Variants in VIT observed in about 807,000 individuals in gnomAD.
VIT encodes the protein vitrin.
VIT carries 99 observed loss-of-function variants against 78.0 expected under a neutral mutation model. The ratio of observed to expected loss-of-function variants is 1.27; its 90% CI spans 1.08 to 1.50. The LOEUF is 1.50. VIT is among the 40% of genes most tolerant of loss of function. The pLI, the probability that VIT is intolerant of heterozygous loss-of-function variation, is 0.00. For missense variants in VIT, 1,126 were observed against 875.3 expected (o/e 1.29, Z -3.61); for synonymous variants, 374 against 334.3 (o/e 1.12, Z -1.29).
chr2:36,808,957 G>A lies in VIT; in HGVS notation c.1875G>A (p.Arg625=). 6.3e-7 allele frequency: 1 copy of A among 1,598,998 alleles called. No homozygotes were observed. Among genetic ancestry groups the A allele is most frequent in the Non-Finnish European group, 8.5e-7 (1 of 1,170,204 alleles). ...ACGGGAGGTCCTACGACGACGTCCG[G>A]ATCCCAGCCATGGCTGCCCATCTGA... is the stretch of plus-strand genomic sequence containing the variant. ...ITDGRSYDDV[R]IPAMAAHLKG... Residue 625 remains arginine (R), a synonymous_variant, in exon 15 of 16, where the codon CGG becomes CGA. Coordinates refer to ENST00000379242, the MANE Select transcript of VIT (RefSeq NM_053276.4).
At chr2:36,720,713 A>G (rs890835378) in intron 2 of VIT, among the ~76,000 whole-genome samples, 2 of 152,222 alleles carry the variant, frequency 1.3e-5, no homozygotes, top group African/African-American at 4.8e-5. Context: ...CTGGTCAAAG[A>G]GTACAGACTT....
At chr2:36,699,393 C>T (rs1209397005) in intron 1 of VIT, among the ~76,000 whole-genome samples, 1 of 152,036 alleles carries the variant, frequency 6.6e-6, no homozygotes, top group East Asian at 1.9e-4. Context: ...GAAGAAGTAT[C>T]GAAATAGTGC....
intron 12 of VIT, among the ~76,000 whole-genome samples, chr2:36,800,757 A>G (rs577334978): frequency 3.3e-5 from 5 of 152,340 alleles, no homozygotes; most frequent in African/African-American, 1.2e-4. Context: ...AGTCTTCAGC[A>G]AAATAGATGT....
intron 11 of VIT, among the ~76,000 whole-genome samples, chr2:36,784,147 A>G (rs755974869): frequency 6.6e-6 from 1 of 152,244 alleles, no homozygotes; most frequent in Non-Finnish European, 1.5e-5. Flanking sequence ...TCAGAAAGGA[A>G]GAACCAGAGA....
At chr2:36,792,225 T>C (rs1463529065) in intron 12 of VIT, among the ~76,000 whole-genome samples, 1 of 152,150 alleles carries the variant, frequency 6.6e-6, no homozygotes, top group African/African-American at 2.4e-5. Context: ...GGCCTGATTT[T>C]CCAGGGCCTA....
chr2:36,725,610 GGGT>G (rs1256498203), intron 2 of VIT, among the ~76,000 whole-genome samples: 1 of 97,404 alleles, frequency 1.0e-5, no homozygotes, highest in African/African-American at 4.1e-5. Flanking sequence ...GGTGGGGGGG[GGGT>G]GGGTAAACAA....
intron 7 of VIT, among the ~76,000 whole-genome samples, chr2:36,771,253 GT>G (rs1190704451): frequency 6.6e-6 from 1 of 152,126 alleles, no homozygotes; most frequent in Non-Finnish European, 1.5e-5. Flanking sequence ...GGCTTTGCCG[GT>G]CCCGGTGGCT....
At chr2:36,810,250 C>G (rs1252647660) in intron 15 of VIT, among the ~76,000 whole-genome samples, 2 of 152,178 alleles carry the variant, frequency 1.3e-5, no homozygotes, top group Admixed American at 1.3e-4. Flanking sequence ...CGAGATCGTG[C>G]CATTGCACTC....
chr2:36,797,874 T>C (rs1666020997), intron 12 of VIT, among the ~76,000 whole-genome samples: 1 of 152,180 alleles, frequency 6.6e-6, no homozygotes, highest in African/African-American at 2.4e-5. Context: ...CCACATATTA[T>C]GCACGGTGTT....
At chr2:36,759,915 A>C (rs6544033) in intron 6 of VIT, among the ~76,000 whole-genome samples, 150,094 of 152,318 alleles carry the variant, frequency 0.99, 73,989 homozygotes, top group Middle Eastern at 1. Context: ...GAGGAAAATG[A>C]AGCACAGAGA....
intron 2 of VIT, among the ~76,000 whole-genome samples, chr2:36,724,446 G>C (rs140089743): frequency 6.6e-6 from 1 of 152,116 alleles, no homozygotes; most frequent in Non-Finnish European, 1.5e-5. Flanking sequence ...GCTCTGCTAG[G>C]CGTCCTAGGA....
chr2:36,781,854 G>C, intron 10 of VIT, 83 bp downstream of exon 10: 1 of 1,548,968 alleles, frequency 6.5e-7, no homozygotes, highest in East Asian at 2.3e-5. Context: ...AATCCAGCTG[G>C]CATAGCGGCC....
intron 1 of VIT, among the ~76,000 whole-genome samples, chr2:36,716,075 G>A (rs766162450): frequency 6.6e-6 from 1 of 152,158 alleles, no homozygotes; most frequent in Non-Finnish European, 1.5e-5. Context: ...TCTCAAAATT[G>A]TAGAGTTATT....
chr2:36,810,342 G>A (rs946050979), intron 15 of VIT, among the ~76,000 whole-genome samples: 2 of 152,118 alleles, frequency 1.3e-5, no homozygotes, highest in African/African-American at 2.4e-5. Flanking sequence ...ATTTCTAAGA[G>A]GGCAACAAAA....
At position 36,801,423 on chromosome 2, in the gene VIT, A is replaced by G. The variant is rs1018947780; in HGVS notation, c.1162+19A>G. On this transcript the variant is annotated intron_variant, in intron 13 of 15. Transcript: ENST00000379242. Reference sequence around the variant, plus strand: ...AATGTAGGTATGTGATCCGGATTCAAATTATACTATCTTGCTACCATCGTT... The same window carrying G: ...AATGTAGGTATGTGATCCGGATTCAGATTATACTATCTTGCTACCATCGTT... 6.4e-7 allele frequency: 1 copy of G among 1,568,200 alleles called. No individual in the cohort carries two copies. Among genetic ancestry groups the G allele is most frequent in the African/African-American group, 1.4e-5 (1 of 73,952 alleles).
At chr2:36,767,467 G>C (rs1669505223) in intron 7 of VIT, among the ~76,000 whole-genome samples, 182 bp downstream of exon 7, 1 of 152,214 alleles carries the variant, frequency 6.6e-6, no homozygotes, top group African/African-American at 2.4e-5. Flanking sequence ...TCAAAAATAA[G>C]ACTGCTGTCA....
chr2:36,754,823 C>G (rs1668665896), intron 4 of VIT, 98 bp from the exon 5 acceptor site: 5 of 1,385,022 alleles, frequency 3.6e-6, no homozygotes, highest in East Asian at 2.4e-5. Context: ...TGCTGCTTTC[C>G]TATGTGTAAA....
chr2:36,795,226 T>G (rs1204416798), intron 12 of VIT, among the ~76,000 whole-genome samples: 2 of 152,132 alleles, frequency 1.3e-5, no homozygotes, highest in East Asian at 3.8e-4. Flanking sequence ...AATCTCAAAC[T>G]TGTAATTCCA....
At chr2:36,714,542 A>T (rs937441076) in intron 1 of VIT, among the ~76,000 whole-genome samples, 8 of 152,016 alleles carry the variant, frequency 5.3e-5, no homozygotes, top group African/African-American at 1.9e-4. Flanking sequence ...CACTGGAGGG[A>T]GGGGGGATAT....
Sources: gnomAD v4.1 joint callset for allele counts (sites outside exome capture counted in the v4.1 genomes callset) on GRCh38, gnomAD v4.1.1 for gene constraint, MANE v1.5 for transcripts, NCBI Gene and HGNC (gene_info 2026-07-23, HGNC 2026-07-21) for gene names.